Variants in ZBTB20 observed in about 807,000 individuals in gnomAD.
ZBTB20 encodes zinc finger and BTB domain-containing protein 20.
In ZBTB20, 9 loss-of-function variants were observed where a neutral mutation model predicts 56.9. The ratio of observed to expected loss-of-function variants is 0.16; its 90% CI spans 0.10 to 0.28. ZBTB20 has a LOEUF of 0.28. Among genes scored for constraint, ZBTB20 ranks in the 10% least tolerant of loss-of-function variants. The pLI, the probability that ZBTB20 is intolerant of heterozygous loss-of-function variation, is 1.00. For missense variants in ZBTB20, 655 were observed against 1,003.0 expected, an observed-to-expected ratio of 0.65 and a Z score of 4.69; for synonymous variants, 417 against 420.7, an observed-to-expected ratio of 0.99 and a Z score of 0.11.
chr3:114,586,728 T>A (rs2107526582), intron 6 of ZBTB20, among the ~76,000 whole-genome samples: 2 of 152,256 alleles, frequency 1.3e-5, no homozygotes, highest in Middle Eastern at 6.8e-3. Context: ...GAATTCAAGA[T>A]CCTCTCATTA....
intron 7 of ZBTB20, among the ~76,000 whole-genome samples, chr3:114,397,798 G>A (rs1442183004): frequency 3.9e-5 from 6 of 152,064 alleles, no homozygotes; most frequent in Admixed American, 6.6e-5. Flanking sequence ...CAGGCTTACC[G>A]GATTACAGAC....
At chr3:114,508,875 A>T (rs1394164168) in intron 6 of ZBTB20, among the ~76,000 whole-genome samples, 1 of 152,120 alleles carries the variant, frequency 6.6e-6, no homozygotes, top group Non-Finnish European at 1.5e-5. Context: ...TATTACTGTG[A>T]TCAGGAGTTG....
chr3:114,339,722 C>T lies in ZBTB20; in HGVS notation c.1805-296G>A, dbSNP rs2079618710. On this transcript the variant is annotated intron_variant, in intron 11 of 11. Coordinates refer to ENST00000675478, the MANE Select transcript of ZBTB20 (RefSeq NM_001348800.3). The surrounding 1 kb of genome is among the most constrained non-coding windows in gnomAD (Gnocchi z 4.2). ...ATTCCCCACTAAAAGTCTTCAAGGT[C>T]ACTCCGTGGAAAAGGGAGGGCTACT... Among the ~76,000 whole-genome samples, 1 of 152,164 alleles carries T rather than the reference C, an allele frequency of 6.6e-6. No homozygotes were observed. Among genetic ancestry groups the T allele is most frequent in the Non-Finnish European group, 1.5e-5 (1 of 68,044 alleles).
At chr3:114,588,707 C>G (rs1560000668) in intron 6 of ZBTB20, among the ~76,000 whole-genome samples, 2 of 152,144 alleles carry the variant, frequency 1.3e-5, no homozygotes, top group Admixed American at 6.5e-5. Flanking sequence ...CTGGTGCTCA[C>G]AGTGATCATT....
At chr3:115,142,458 C>A (rs941897670) in intron 1 of ZBTB20, among the ~76,000 whole-genome samples, 1 of 152,076 alleles carries the variant, frequency 6.6e-6, no homozygotes, top group Non-Finnish European at 1.5e-5. Context: ...GTCAGGAGAT[C>A]AAGACCATCG....
chr3:114,977,298 T>G (rs1248120110), intron 2 of ZBTB20, among the ~76,000 whole-genome samples: 1 of 152,224 alleles, frequency 6.6e-6, no homozygotes, highest in Non-Finnish European at 1.5e-5. Context: ...ACTAAAATGA[T>G]GTTTAGTAGT....
chr3:114,905,330 A>G (rs2107684709), intron 3 of ZBTB20, among the ~76,000 whole-genome samples: 1 of 151,992 alleles, frequency 6.6e-6, no homozygotes, highest in Non-Finnish European at 1.5e-5. Context: ...AAAATGTGAA[A>G]ATTTTACTGG....
chr3:114,956,014 A>T (rs2077234477), intron 3 of ZBTB20, among the ~76,000 whole-genome samples: 1 of 152,200 alleles, frequency 6.6e-6, no homozygotes. Context: ...AAACACCCAT[A>T]TATCATGCTA....
At chr3:115,013,307 A>C (rs1465739505) in intron 2 of ZBTB20, among the ~76,000 whole-genome samples, 1 of 151,634 alleles carries the variant, frequency 6.6e-6, no homozygotes, top group Non-Finnish European at 1.5e-5. Flanking sequence ...AAATTGACAA[A>C]CTTTTAGACC....
chr3:114,834,242 T>G (rs2074006275), intron 4 of ZBTB20, among the ~76,000 whole-genome samples: 1 of 152,156 alleles, frequency 6.6e-6, no homozygotes, highest in Admixed American at 6.6e-5. Flanking sequence ...CCTTCCAAAT[T>G]TGTAACTCTT....
intron 7 of ZBTB20, among the ~76,000 whole-genome samples, chr3:114,405,625 C>A (rs1008143437): frequency 5.3e-5 from 8 of 152,174 alleles, no homozygotes; most frequent in African/African-American, 1.4e-4. Flanking sequence ...TGATGTTTGG[C>A]AACCTCACTC....
At chr3:114,551,489 A>G (rs1354811645) in intron 6 of ZBTB20, among the ~76,000 whole-genome samples, 2 of 152,210 alleles carry the variant, frequency 1.3e-5, no homozygotes, top group East Asian at 3.9e-4. Flanking sequence ...TGGGAGAGCT[A>G]AAGAGAAGTA....
At chr3:114,446,208 T>C (rs2091263660) in intron 7 of ZBTB20, among the ~76,000 whole-genome samples, 1 of 152,238 alleles carries the variant, frequency 6.6e-6, no homozygotes, top group East Asian at 1.9e-4. Flanking sequence ...TTATAAAATA[T>C]ATAGTTGTTT....
At chr3:114,369,895 A>C (rs1261221148) in intron 10 of ZBTB20, among the ~76,000 whole-genome samples, 1 of 152,240 alleles carries the variant, frequency 6.6e-6, no homozygotes, top group Non-Finnish European at 1.5e-5. Context: ...TTAAATGTTC[A>C]AAGTGTATGA....
intron 3 of ZBTB20, among the ~76,000 whole-genome samples, chr3:114,928,900 C>T (rs2076255261): frequency 6.6e-6 from 1 of 152,216 alleles, no homozygotes; most frequent in African/African-American, 2.4e-5. Flanking sequence ...ATACAATGCT[C>T]TTTCCAACTT....
rs1008851551 is a variant in ZBTB20 at position 114,941,919 on chromosome 3, G to T, written c.-456+32447C>A. ...ATGGTTTATCACATTACCCAGGGAG[G>T]TGACAATATTTCAGGAAAAAAATTA... On this transcript the variant is annotated intron_variant, in intron 3 of 11. Coordinates refer to ENST00000675478, the MANE Select transcript of ZBTB20 (RefSeq NM_001348800.3). Among the ~76,000 whole-genome samples the T allele has an allele frequency of 6.8e-5, 10 of 145,988 alleles. 3 individuals carry two copies. Among genetic ancestry groups the T allele is most frequent in the African/African-American group, 2.8e-4 (10 of 35,912 alleles).
In ZBTB20 at chr3:114,784,859, C is replaced by T. The variant is rs184839451; in HGVS notation, c.-343+16242G>A. The stretch of plus-strand genomic sequence containing the variant: ...ATAGCCTATGAATTCAACACATTGA[C>T]ACTAATTATAACAATAGCTAACAGT... On this transcript the variant is annotated intron_variant, in intron 5 of 11. Transcript: ENST00000675478. 3.7e-3 allele frequency among the ~76,000 whole-genome samples: 562 copies of T among 152,252 alleles called. 1 individual carries two copies. Among genetic ancestry groups the T allele is most frequent in the South Asian group, 0.015 (72 of 4,824 alleles).
chr3:114,542,253 C>G (rs980050315), intron 6 of ZBTB20, among the ~76,000 whole-genome samples: 5 of 152,130 alleles, frequency 3.3e-5, no homozygotes, highest in South Asian at 4.1e-4. Context: ...ATATTTTCTT[C>G]AAATTTTATG....
chr3:114,943,352 T>C (rs753577619), intron 3 of ZBTB20, among the ~76,000 whole-genome samples: 13 of 144,656 alleles, frequency 9.0e-5, no homozygotes, highest in Non-Finnish European at 1.5e-4. Flanking sequence ...TATGAAAAAA[T>C]CATCAAGCAT....
Sources: gnomAD v4.1 joint callset for allele counts (sites outside exome capture counted in the v4.1 genomes callset) on GRCh38, gnomAD v4.1.1 for gene constraint, Gnocchi (gnomAD v3.1) non-coding constraint, MANE v1.5 for transcripts, NCBI Gene and HGNC (gene_info 2026-07-23, HGNC 2026-07-21) for gene names.